Variants in ENOX1 observed in about 807,000 individuals in gnomAD.
The protein encoded by ENOX1 is ecto-NOX disulfide-thiol exchanger 1.
A neutral mutation model predicts 82.5 loss-of-function variants in ENOX1; 42 were observed. The observed-to-expected ratio is 0.51, with a 90% CI of 0.40 to 0.66. ENOX1 has a LOEUF of 0.66. Ranked by LOEUF, ENOX1 falls within the 30% of genes least tolerant of loss-of-function variation. ENOX1 has a pLI of 0.00. For missense variants in ENOX1, 608 were observed against 811.6 expected (o/e 0.75, Z 3.05); for synonymous variants, 271 against 282.2 (o/e 0.96, Z 0.40).
intron 2 of ENOX1, among the ~76,000 whole-genome samples, chr13:43,591,106 T>C (rs1467163973): frequency 2.6e-5 from 4 of 152,214 alleles, no homozygotes; most frequent in Non-Finnish European, 5.9e-5. Flanking sequence ...ACATACCCAT[T>C]GGCTAATTAT....
rs916773381 is a variant in ENOX1 at position 43,718,559 on chromosome 13, G to T, written c.-284-51015C>A. On this transcript the variant is annotated intron_variant, in intron 1 of 16. Coordinates refer to ENST00000690772, the MANE Select transcript of ENOX1 (RefSeq NM_001347969.2). ...TAAAAATTGAAATTATTTAAAAATTGGAATCATCTCGGGAGGCTGAGGCAG... is the reference window on the plus strand; with the variant it reads ...TAAAAATTGAAATTATTTAAAAATTTGAATCATCTCGGGAGGCTGAGGCAG... Among the ~76,000 whole-genome samples the T allele has an allele frequency of 2.2e-4, 33 of 151,514 alleles. No homozygotes were observed. The South Asian group carries it at 2.3e-3, about 11-fold the overall frequency.
intron 5 of ENOX1, among the ~76,000 whole-genome samples, chr13:43,401,343 T>C (rs553002754): frequency 6.6e-6 from 1 of 152,318 alleles, no homozygotes; most frequent in African/African-American, 2.4e-5. Context: ...TTTCAGATAC[T>C]GTACAACAAA....
chr13:43,311,412 A>G (rs2047196668), intron 11 of ENOX1, among the ~76,000 whole-genome samples: 1 of 152,080 alleles, frequency 6.6e-6, no homozygotes, highest in African/African-American at 2.4e-5. Context: ...ACAGATTAAA[A>G]ATTAGTTCTT....
intron 3 of ENOX1, among the ~76,000 whole-genome samples, chr13:43,460,176 T>A (rs1315871511): frequency 6.6e-6 from 1 of 152,150 alleles, no homozygotes; most frequent in Non-Finnish European, 1.5e-5. Flanking sequence ...CAAAAGTGAG[T>A]GAATATTTTG....
In ENOX1 at chr13:43,567,891, A is replaced by G. The variant is rs1359000962; in HGVS notation, c.-218-83739T>C. Among the ~76,000 whole-genome samples, 10 of 152,214 alleles carry G rather than the reference A, an allele frequency of 6.6e-5. No individual in the cohort carries two copies. In the East Asian group the frequency reaches 7.7e-4, roughly 12 times the overall value. On this transcript the variant is annotated intron_variant, in intron 2 of 16. Coordinates refer to ENST00000690772, the MANE Select transcript of ENOX1 (RefSeq NM_001347969.2). ...GCCTTTTCCTGGTTTCTTGTTTACA[A>G]TAAATTTTGTGGCAGGATATTTAGA... is the stretch of plus-strand genomic sequence containing the variant.
intron 11 of ENOX1, among the ~76,000 whole-genome samples, chr13:43,312,361 A>C (rs1006155401): frequency 6.6e-6 from 1 of 152,196 alleles, no homozygotes; most frequent in Admixed American, 6.5e-5. Flanking sequence ...ATAAGTCTTG[A>C]AATTAGATGG....
intron 2 of ENOX1, among the ~76,000 whole-genome samples, chr13:43,643,016 C>G (rs1391744487): frequency 1.3e-5 from 2 of 152,110 alleles, no homozygotes; most frequent in African/African-American, 4.8e-5. Context: ...CAAAGTAAAA[C>G]AATTACAATT....
chr13:43,352,803 C>T (rs1284244971), intron 8 of ENOX1, among the ~76,000 whole-genome samples: 1 of 152,200 alleles, frequency 6.6e-6, no homozygotes, highest in Non-Finnish European at 1.5e-5. Context: ...AATGGGATAA[C>T]CTGGTCCCAG....
intron 3 of ENOX1, among the ~76,000 whole-genome samples, chr13:43,431,678 T>C (rs1391224340): frequency 2.6e-5 from 4 of 152,186 alleles, no homozygotes; most frequent in African/African-American, 9.7e-5. Context: ...TTAAATATTA[T>C]GAGTGGGTGT....
intron 1 of ENOX1, among the ~76,000 whole-genome samples, chr13:43,742,070 T>C (rs1286020905): frequency 6.6e-6 from 1 of 152,142 alleles, no homozygotes; most frequent in African/African-American, 2.4e-5. Context: ...TATAGTCATA[T>C]TAAGAATAGA....
chr13:43,651,789 A>G (rs2084189554), intron 2 of ENOX1, among the ~76,000 whole-genome samples: 1 of 151,820 alleles, frequency 6.6e-6, no homozygotes, highest in South Asian at 2.1e-4. Context: ...AGCCTGACCA[A>G]CATAGTAAAA....
At chr13:43,509,473 C>T (rs976754549) in intron 2 of ENOX1, among the ~76,000 whole-genome samples, 2 of 152,142 alleles carry the variant, frequency 1.3e-5, no homozygotes, top group African/African-American at 2.4e-5. Context: ...ATACCTCTGC[C>T]GTCAATCACA....
chr13:43,754,930 C>G (rs9533608), intron 1 of ENOX1, among the ~76,000 whole-genome samples: 2 of 151,904 alleles, frequency 1.3e-5, no homozygotes, highest in East Asian at 3.9e-4. Flanking sequence ...AAATCTGCTT[C>G]TGTTCTTATT....
intron 3 of ENOX1, among the ~76,000 whole-genome samples, chr13:43,463,990 A>C (rs2057607780): frequency 6.6e-6 from 1 of 152,198 alleles, no homozygotes; most frequent in Non-Finnish European, 1.5e-5. Context: ...GTTGTGGACT[A>C]TTTGCAGGCA....
At chr13:43,310,637 C>CA (rs917098145) in intron 11 of ENOX1, among the ~76,000 whole-genome samples, 13 of 151,828 alleles carry the variant, frequency 8.6e-5, no homozygotes, top group African/African-American at 3.1e-4. Flanking sequence ...GTAGAAGGGT[C>CA]AAAAAGTCCA....
chr13:43,295,482 C>T (rs1239725543), intron 12 of ENOX1, among the ~76,000 whole-genome samples: 7 of 152,160 alleles, frequency 4.6e-5, no homozygotes, highest in Non-Finnish European at 7.3e-5. Context: ...TGTCAGTGAA[C>T]ATATCCTTAA....
rs185319747 is a variant in ENOX1, at chr13:43,443,403, C to T, written c.-74-30415G>A. Among the ~76,000 whole-genome samples the T allele has an allele frequency of 1.2e-4, 19 of 152,250 alleles. No individual in the cohort carries two copies. In the East Asian group the frequency reaches 1.5e-3, roughly 12 times the overall value. ...TCAGAAGACTATGACTTTTAAATTA[C>T]GCTTTTACTTGATCCACCTTCCAAA... is the stretch of plus-strand genomic sequence containing the variant. On this transcript the variant is annotated intron_variant, in intron 3 of 16. Coordinates refer to ENST00000690772, the MANE Select transcript of ENOX1 (RefSeq NM_001347969.2).
chr13:43,762,763 C>T lies in ENOX1; in HGVS notation c.-285+23889G>A, dbSNP rs184022035. ...ACAATGCAAAACAATGCTTAGTCTA[C>T]CTAAAGTCAGAATATACTTTTTAAA... On this transcript the variant is annotated intron_variant, in intron 1 of 16. Transcript: ENST00000690772. Among the ~76,000 whole-genome samples the T allele has an allele frequency of 1.3e-4, 20 of 152,248 alleles. No individual in the cohort carries two copies. In the East Asian group the frequency reaches 3.9e-3, roughly 29 times the overall value.
Position 43,256,286 on chromosome 13 carries a change from A to T in ENOX1, c.1611+9112T>A, listed in dbSNP as rs1034736995. On this transcript the variant is annotated intron_variant, in intron 14 of 16. Transcript: ENST00000690772. Reference sequence around the variant, plus strand: ...AAACCTCAAAAGCACAGGCAGCAGAAGCAAAAATAGACAAATGGAATTACA... The same window carrying T: ...AAACCTCAAAAGCACAGGCAGCAGATGCAAAAATAGACAAATGGAATTACA... Among the ~76,000 whole-genome samples, 14 of 152,326 alleles carry T rather than the reference A, an allele frequency of 9.2e-5. No individual in the cohort carries two copies. The East Asian group carries it at 2.3e-3, about 25-fold the overall frequency.
Sources: allele counts gnomAD v4.1 joint callset (sites outside exome capture counted in the v4.1 genomes callset), GRCh38; gene constraint gnomAD v4.1.1; transcripts MANE v1.5; gene names NCBI Gene and HGNC (gene_info 2026-07-23, HGNC 2026-07-21).